The following NPC1 variants were observed in gnomAD, a reference collection of about 807,000 sequenced individuals.
NPC1 encodes the protein NPC intracellular cholesterol transporter 1, also known as Niemann-Pick C1 protein.
Under a neutral mutation model 140.4 loss-of-function variants are expected in NPC1, and 85 were observed. That is an observed-to-expected ratio of 0.61 (90% CI 0.51 to 0.72). NPC1 has a LOEUF of 0.72. Ranked by LOEUF, NPC1 falls within the 30% of genes least tolerant of loss-of-function variation. NPC1 has a pLI of 0.00. For synonymous variants in NPC1, 656 were observed against 624.8 expected (o/e 1.05, Z -0.74); for missense variants, 1,504 against 1,623.8 (o/e 0.93, Z 1.27).
chr18:23,568,252 G>A (rs1422920433), intron 4 of NPC1, among the ~76,000 whole-genome samples: 1 of 151,746 alleles, frequency 6.6e-6, no homozygotes, highest in Non-Finnish European at 1.5e-5. Flanking sequence ...TGCCTTGTAT[G>A]TCACATCTTT....
At chr18:23,528,713 A>C (rs1762667980), downstream of NPC1, 1 of 154,850 alleles carries the variant, frequency 6.5e-6, no homozygotes, top group African/African-American at 2.4e-5. Flanking sequence ...GTCTGATCCC[A>C]AATGGCAGTT....
Position 23,541,339 on chromosome 18 carries a change from C to G in NPC1, c.2340G>C (p.Val780=). Residue 780 remains valine (V), a synonymous_variant, in exon 15 of 25, where the codon GTG becomes GTC. Transcript: ENST00000269228. ...IDFLLQITCF[V]SLLGLDIKRQ... ...GTTTAATGTCTAACCCCAAGAGACT[C>G]ACGAAACAGGTAATCTGCAGAAGAA... 6.2e-7 allele frequency: 1 copy of G among 1,614,248 alleles called. No homozygotes were observed. The highest frequency in any genetic ancestry group is 8.5e-7 in the Non-Finnish European group (1 of 1,180,054).
chr18:23,507,837 A>C (rs2057752810), intron 3 of NPC1: 1 of 556,546 alleles, frequency 1.8e-6, no homozygotes, highest in Non-Finnish European at 2.8e-6. Context: ...TGGTCTTTTT[A>C]TCTTTCCTGT....
At chr18:23,519,213 T>C (rs1455717751), downstream of NPC1, 1 of 1,577,178 alleles carries the variant, frequency 6.3e-7, no homozygotes, top group East Asian at 2.2e-5. Flanking sequence ...TTAAGGTTGC[T>C]TAAAAGCCTT....
At chr18:23,535,785 C>T in intron 21 of NPC1, 85 bp from the exon 22 acceptor site, 2 of 904,536 alleles carry the variant, frequency 2.2e-6, no homozygotes, top group Non-Finnish European at 3.7e-6. Context: ...GCCAAGTGGT[C>T]AGACTCCTTT....
chr18:23,511,800 A>G (rs2145160452), intron 3 of NPC1, among the ~76,000 whole-genome samples: 1 of 152,234 alleles, frequency 6.6e-6, no homozygotes, highest in South Asian at 2.1e-4. Context: ...TGTGATTACA[A>G]ATAACCCTTC....
chr18:23,527,673 C>A, downstream of NPC1: 1 of 409,968 alleles, frequency 2.4e-6, no homozygotes, highest in Non-Finnish European at 4.1e-6. Context: ...AGTAGAGTGT[C>A]CTTTAAAGGT....
downstream of NPC1, among the ~76,000 whole-genome samples, chr18:23,521,476 T>C (rs922075718): frequency 6.6e-6 from 1 of 152,208 alleles, no homozygotes; most frequent in African/African-American, 2.4e-5. Flanking sequence ...ATTGCATTCT[T>C]TGGGACTGAC....
intron 11 of NPC1, among the ~76,000 whole-genome samples, chr18:23,547,056 G>A (rs745836438): frequency 3.9e-5 from 6 of 152,090 alleles, no homozygotes; most frequent in Non-Finnish European, 7.3e-5. Context: ...GGCCTCAAGT[G>A]AGCCTCTCGT....
Position 23,532,000 on chromosome 18 carries a change from GGTTGCCTCCAGATCTA to G in NPC1, c.*186_*201del. ...GGCTGGGAGAAGTTTAGTGTCCTGTGGTTGCCTCCAGATCTAGTAATACTGCTTCCCAAGTCAACTG... is the reference window on the plus strand; with the variant it reads ...GGCTGGGAGAAGTTTAGTGTCCTGTGGTAATACTGCTTCCCAAGTCAACTG... On this transcript the variant is annotated 3_prime_UTR_variant, in exon 25 of 25. Transcript: ENST00000269228. The G allele has an allele frequency of 6.8e-7, 1 of 1,480,520 alleles. No homozygotes were observed. The highest frequency in any genetic ancestry group is 1.4e-5 in the South Asian group (1 of 72,906). 91.7% of individuals were successfully genotyped at this position (1,480,520 alleles called of 1,614,324 possible). A position where few individuals can be genotyped will look rare whatever the true frequency, so the allele number is the denominator to read the frequency against.
Position 23,572,138 on chromosome 18 carries a change from A to T in NPC1, c.223T>A (p.Cys75Ser). ...AGTGTCTGAAGCTGCCGAACATCAC[A>T]ACAGAGACTGACATTGCCAAAGAAG... ...GFFFGNVSLC[C>S]DVRQLQTLKD... The change falls in exon 3 of 25, where the codon TGT becomes AGT. Residue 75 changes from cysteine (C) to serine (S), a missense_variant. Transcript: ENST00000269228. 1 of 1,613,716 alleles carries T rather than the reference A, an allele frequency of 6.2e-7. No individual in the cohort carries two copies. Among genetic ancestry groups the T allele is most frequent in the Non-Finnish European group, 8.5e-7 (1 of 1,179,788 alleles).
downstream of NPC1, chr18:23,530,454 TA>T: frequency 6.2e-7 from 1 of 1,614,270 alleles, no homozygotes; most frequent in Non-Finnish European, 8.5e-7. Context: ...TTAGCTGCCT[TA>T]AGGTTTATCC....
At chr18:23,530,472 T>C (rs755489679), downstream of NPC1, 17 of 1,614,164 alleles carry the variant, frequency 1.1e-5, no homozygotes, top group East Asian at 1.3e-4. Context: ...ATCCGGGGCA[T>C]TGGTGGCCAT....
At chr18:23,547,367 C>A (rs1237301370) in intron 11 of NPC1, among the ~76,000 whole-genome samples, 1 of 152,154 alleles carries the variant, frequency 6.6e-6, no homozygotes, top group African/African-American at 2.4e-5. Context: ...ACTTCACTGT[C>A]TTTTATGACA....
At chr18:23,572,799 C>T (rs776988075) in intron 2 of NPC1, among the ~76,000 whole-genome samples, 5 of 152,230 alleles carry the variant, frequency 3.3e-5, no homozygotes, top group African/African-American at 4.8e-5. Context: ...TGCCACTGCA[C>T]TCTAGCCTTC....
chr18:23,576,994 C>G (rs1201597198), intron 1 of NPC1: 1 of 152,322 alleles, frequency 6.6e-6, no homozygotes, highest in Non-Finnish European at 1.5e-5. Flanking sequence ...TCTGGCCCCA[C>G]CCACATCCTG....
At chr18:23,535,271 A>G (rs2058610709) in intron 22 of NPC1, among the ~76,000 whole-genome samples, 198 bp downstream of exon 22, 1 of 152,074 alleles carries the variant, frequency 6.6e-6, no homozygotes, top group Middle Eastern at 3.2e-3. Flanking sequence ...GTCCAACTCA[A>G]TGCTCGCTCC....
At chr18:23,511,583 A>G (rs1446550545) in intron 3 of NPC1, among the ~76,000 whole-genome samples, 2 of 152,082 alleles carry the variant, frequency 1.3e-5, no homozygotes, top group Non-Finnish European at 1.5e-5. Context: ...ATATTCCTCT[A>G]TTTTTAAAAA....
At chr18:23,537,554 C>G (rs561522151) in intron 20 of NPC1, among the ~76,000 whole-genome samples, 28 of 152,102 alleles carry the variant, frequency 1.8e-4, no homozygotes, top group Non-Finnish European at 3.2e-4. Flanking sequence ...CATGTAACCC[C>G]GAGCAAAATG....
Sources: allele counts gnomAD v4.1 joint callset (sites outside exome capture counted in the v4.1 genomes callset), GRCh38; gene constraint gnomAD v4.1.1; transcripts MANE v1.5; gene names NCBI Gene and HGNC (gene_info 2026-07-23, HGNC 2026-07-21).